PUM2: variants seen among roughly 807,000 people sequenced by gnomAD.
PUM2 encodes pumilio homolog 2.
PUM2 carries 57 observed loss-of-function variants against 124.5 expected under a neutral mutation model. The ratio of observed to expected loss-of-function variants is 0.46; its 90% CI spans 0.37 to 0.57. PUM2 has a LOEUF of 0.57. Ranked by LOEUF, PUM2 falls within the 20% of genes least tolerant of loss-of-function variation. The pLI, the probability that PUM2 is intolerant of heterozygous loss-of-function variation, is 0.00. For missense variants in PUM2, 1,065 were observed against 1,290.6 expected (o/e 0.83, Z 2.68); for synonymous variants, 460 against 446.1 (o/e 1.03, Z -0.39).
chr2:20,284,413 TG>T (rs1672248705), intron 10 of PUM2, among the ~76,000 whole-genome samples: 2 of 152,194 alleles, frequency 1.3e-5, no homozygotes, highest in African/African-American at 4.8e-5. Context: ...TGGAGCACAG[TG>T]GCATAATCAT....
At chr2:20,341,177 C>T (rs1358857551) in intron 1 of PUM2, among the ~76,000 whole-genome samples, 1 of 152,132 alleles carries the variant, frequency 6.6e-6, no homozygotes, top group Non-Finnish European at 1.5e-5. Context: ...CACAGCCCCC[C>T]TCTCCCTGCC....
intron 13 of PUM2, among the ~76,000 whole-genome samples, chr2:20,264,858 A>G (rs1242615646): frequency 1.3e-5 from 2 of 152,230 alleles, no homozygotes; most frequent in Non-Finnish European, 2.9e-5. Flanking sequence ...CAAATCCTGG[A>G]GAGTAAATTG....
intron 14 of PUM2, among the ~76,000 whole-genome samples, chr2:20,261,394 CAAAAAAAAAA>C (rs200294801): frequency 8.2e-4 from 63 of 76,784 alleles, no homozygotes; most frequent in African/African-American, 1.4e-3. Context: ...ACTCTGTCTC[CAAAAAAAAAA>C]AAAAAAAAAA....
Position 20,251,970 on chromosome 2 carries a change from G to A in PUM2, c.3064-254C>T, listed in dbSNP as rs527680260. Among the ~76,000 whole-genome samples, 8 of 152,178 alleles carry A rather than the reference G, an allele frequency of 5.3e-5. No homozygotes were observed. The East Asian group carries it at 1.5e-3, about 29-fold the overall frequency. ...GAAACAGGCAGAGGCCCCAAACATA[G>A]CAAGAAAGTTACCCAGTAATTCCAC... On this transcript the variant is annotated intron_variant, in intron 20 of 20. Transcript: ENST00000361078.
intron 1 of PUM2, among the ~76,000 whole-genome samples, chr2:20,339,275 G>A (rs1464806997): frequency 3.3e-5 from 5 of 151,772 alleles, no homozygotes; most frequent in Non-Finnish European, 7.4e-5. Flanking sequence ...CAGCTACTTG[G>A]GAGATTGAGG....
At chr2:20,286,199 G>T (rs975247057) in intron 10 of PUM2, among the ~76,000 whole-genome samples, 1 of 152,172 alleles carries the variant, frequency 6.6e-6, no homozygotes, top group Admixed American at 6.5e-5. Context: ...GGACTCCATA[G>T]GGGAGAAAAG....
At chr2:20,343,412 C>T (rs1420991426) in intron 1 of PUM2, among the ~76,000 whole-genome samples, 2 of 151,572 alleles carry the variant, frequency 1.3e-5, no homozygotes, top group Non-Finnish European at 2.9e-5. Context: ...GAGACCCTGC[C>T]TCAAATTAAA....
At chr2:20,258,608 G>A (rs1195455197) in intron 15 of PUM2, among the ~76,000 whole-genome samples, 1 of 140,874 alleles carries the variant, frequency 7.1e-6, no homozygotes, top group East Asian at 2.3e-4. Context: ...ACCTTTTAAA[G>A]AAACACTCTT....
intron 1 of PUM2, chr2:20,333,066 A>T (rs1234918725): frequency 2.0e-5 from 3 of 152,216 alleles, no homozygotes; most frequent in African/African-American, 7.2e-5. Context: ...ACTGTTTCCT[A>T]GCAAAAGAAA....
chr2:20,278,917 AATT>A, intron 12 of PUM2, 98 bp from the exon 13 acceptor site: 2 of 849,096 alleles, frequency 2.4e-6, no homozygotes, highest in Non-Finnish European at 3.7e-6. Context: ...TGATCACAAT[AATT>A]ATTTTTAGAA....
chr2:20,259,357 C>A (rs1319480467), intron 15 of PUM2, among the ~76,000 whole-genome samples: 1 of 152,214 alleles, frequency 6.6e-6, no homozygotes, highest in African/African-American at 2.4e-5. Context: ...TGTTGTGCAA[C>A]CACCATCACT....
At chr2:20,277,895 C>T (rs1018215219) in intron 13 of PUM2, among the ~76,000 whole-genome samples, 2 of 152,024 alleles carry the variant, frequency 1.3e-5, no homozygotes, top group Non-Finnish European at 2.9e-5. Context: ...CCCTTCAAAA[C>T]GTATTATCTA....
chr2:20,258,104 G>C, intron 16 of PUM2, 139 bp downstream of exon 16: 1 of 746,132 alleles, frequency 1.3e-6, no homozygotes, highest in South Asian at 2.4e-5. Flanking sequence ...GTGCTATTTA[G>C]GACACAGTAA....
At chr2:20,271,119 G>A (rs541330360) in intron 13 of PUM2, among the ~76,000 whole-genome samples, 1 of 152,030 alleles carries the variant, frequency 6.6e-6, no homozygotes, top group African/African-American at 2.4e-5. Flanking sequence ...GTCAAGCAGA[G>A]GCTGGCTTCA....
In PUM2 at chr2:20,283,475, G is replaced by A. The variant is rs901361061; in HGVS notation, c.1303C>T (p.Leu435=). ...TGATCATAATAGGCAGTTGGAGCTA[G>A]TACTTGATAGCCTAAATAAAATAAA... ...LATGMPGYQV[L]APTAYYDQTG... The change falls in exon 11 of 21, where the codon CTA becomes TTA. Residue 435 remains leucine, a synonymous_variant. Coordinates refer to ENST00000361078, the MANE Select transcript of PUM2 (RefSeq NM_015317.5). The A allele has an allele frequency of 2.5e-6, 4 of 1,609,446 alleles. No homozygotes were observed. The Admixed American group carries it at 6.8e-5, about 27-fold the overall frequency.
At chr2:20,268,332 C>T (rs1316405777) in intron 13 of PUM2, among the ~76,000 whole-genome samples, 1 of 152,130 alleles carries the variant, frequency 6.6e-6, no homozygotes, top group African/African-American at 2.4e-5. Flanking sequence ...AGTAAGTATG[C>T]CCCATGCGGT....
intron 9 of PUM2, 40 bp from the exon 10 acceptor site, chr2:20,290,830 T>C (rs1673884015): frequency 2.8e-6 from 4 of 1,444,132 alleles, no homozygotes; most frequent in Admixed American, 5.0e-5. Flanking sequence ...CAATATAAAA[T>C]AATAGATAAG....
rs1023554513 is a variant in PUM2, at chr2:20,249,884, A to G, written c.*1701T>C. The G allele has an allele frequency of 2.0e-5, 3 of 152,664 alleles. No individual in the cohort carries two copies. Among genetic ancestry groups the G allele is most frequent in the Non-Finnish European group, 4.4e-5 (3 of 68,032 alleles). 9.5% of individuals were successfully genotyped at this position (152,664 alleles called of 1,614,324 possible). A position where few individuals can be genotyped will look rare whatever the true frequency, so the allele number is the denominator to read the frequency against. ...AGGCAAAGGATTAAAAACGATTTTA[A>G]TTATACACATATGGTCACAATTTTG... On this transcript the variant is annotated 3_prime_UTR_variant, in exon 21 of 21. Coordinates refer to ENST00000361078, the MANE Select transcript of PUM2 (RefSeq NM_015317.5).
At chr2:20,344,260 G>A (rs1246829685) in intron 1 of PUM2, among the ~76,000 whole-genome samples, 1 of 152,062 alleles carries the variant, frequency 6.6e-6, no homozygotes, top group Non-Finnish European at 1.5e-5. Flanking sequence ...TTGAGATGGG[G>A]TTTCACCACG....
Sources: allele counts gnomAD v4.1 joint callset (sites outside exome capture counted in the v4.1 genomes callset), GRCh38; gene constraint gnomAD v4.1.1; transcripts MANE v1.5; gene names NCBI Gene and HGNC (gene_info 2026-07-23, HGNC 2026-07-21).